GTF3C1: variants seen among roughly 807,000 people sequenced by gnomAD.
The protein encoded by GTF3C1 is general transcription factor 3C polypeptide 1.
Under a neutral mutation model 226.7 loss-of-function variants are expected in GTF3C1, and 57 were observed. The observed-to-expected ratio is 0.25, with a 90% CI of 0.20 to 0.31. GTF3C1 has a LOEUF of 0.31. Ranked by LOEUF, GTF3C1 falls within the 10% of genes least tolerant of loss-of-function variation. The probability of loss-of-function intolerance (pLI) is 1.00; values close to 1 mark genes in which losing one functional copy is unlikely to be tolerated. For missense variants in GTF3C1, 2,217 were observed against 2,776.1 expected (o/e 0.80, Z 4.53); for synonymous variants, 1,090 against 1,084.8 (o/e 1.00, Z -0.09).
Position 27,493,226 on chromosome 16 carries a change from G to A in GTF3C1, c.2849C>T (p.Pro950Leu). Residue 950 changes from proline (P) to leucine (L), a missense_variant, in exon 17 of 37, where the codon CCC becomes CTC. Around this residue, in one of 12 missense-constraint regions of GTF3C1, gnomAD observed 353 missense variants for 411.7 expected, o/e 0.86. Transcript: ENST00000356183. ...CTTGTACAGAAGCTGCTGCCGAATG[G>A]GCCTGGGGAGAAAGCGGATCAGCGT... ...KHTLIRFLPR[P>L]IRQQLLYKRR... 1.2e-6 allele frequency: 2 copies of A among 1,610,074 alleles called. No individual in the cohort carries two copies. Among genetic ancestry groups the A allele is most frequent in the Non-Finnish European group, 1.7e-6 (2 of 1,176,306 alleles).
intron 1 of GTF3C1, among the ~76,000 whole-genome samples, chr16:27,547,630 T>C (rs2089184378): frequency 6.6e-6 from 1 of 152,122 alleles, no homozygotes; most frequent in African/African-American, 2.4e-5. Flanking sequence ...AGTCTGACCC[T>C]CTCTTCAGTG....
chr16:27,530,004 G>A (rs1291631178), intron 5 of GTF3C1, among the ~76,000 whole-genome samples: 3 of 152,200 alleles, frequency 2.0e-5, no homozygotes, highest in African/African-American at 7.2e-5. Context: ...GGGCACTGCT[G>A]CCATGTGATT....
intron 7 of GTF3C1, 111 bp downstream of exon 7, chr16:27,511,638 C>A: frequency 1.7e-6 from 2 of 1,167,686 alleles, no homozygotes; most frequent in South Asian, 3.1e-5. Context: ...AAGGCACTTC[C>A]CATTGTATTA....
intron 1 of GTF3C1, among the ~76,000 whole-genome samples, chr16:27,547,831 G>C (rs1488129456): frequency 6.6e-6 from 1 of 152,092 alleles, no homozygotes; most frequent in Non-Finnish European, 1.5e-5. Flanking sequence ...CACCATGTTG[G>C]CTGGACTGGT....
intron 6 of GTF3C1, among the ~76,000 whole-genome samples, chr16:27,514,127 G>A (rs1433048273): frequency 6.6e-6 from 1 of 152,202 alleles, no homozygotes; most frequent in Non-Finnish European, 1.5e-5. Flanking sequence ...GTGGTCCCCA[G>A]GCACCAACCT....
At chr16:27,538,961 T>TAC (rs1441485699) in intron 2 of GTF3C1, among the ~76,000 whole-genome samples, 3 of 137,618 alleles carry the variant, frequency 2.2e-5, no homozygotes, top group East Asian at 2.1e-4. Flanking sequence ...TGACTATATA[T>TAC]ACACACATAT....
At chr16:27,497,119 G>C (rs2088331110) in intron 14 of GTF3C1, among the ~76,000 whole-genome samples, 1 of 152,222 alleles carries the variant, frequency 6.6e-6, no homozygotes, top group South Asian at 2.1e-4. Flanking sequence ...ACCAGCACAT[G>C]TGCTATGGCC....
At chr16:27,503,982 G>GA (rs2088447042) in intron 10 of GTF3C1, among the ~76,000 whole-genome samples, 2 of 152,312 alleles carry the variant, frequency 1.3e-5, no homozygotes, top group South Asian at 4.1e-4. Flanking sequence ...GCTGAAGGGG[G>GA]AAAGAATCAA....
intron 2 of GTF3C1, among the ~76,000 whole-genome samples, chr16:27,541,590 C>T (rs2089084012): frequency 6.6e-6 from 1 of 152,108 alleles, no homozygotes; most frequent in African/African-American, 2.4e-5. Flanking sequence ...AAGAGTACTA[C>T]GATGGTGTCT....
At chr16:27,509,777 A>G (rs950407286) in intron 7 of GTF3C1, among the ~76,000 whole-genome samples, 1 of 151,604 alleles carries the variant, frequency 6.6e-6, no homozygotes, top group Non-Finnish European at 1.5e-5. Context: ...AAAAAAAAAA[A>G]AAGAAGTATC....
rs147679514 is a variant in GTF3C1 at position 27,537,355 on chromosome 16, A to G, written c.752+429T>C. Among the ~76,000 whole-genome samples the G allele has an allele frequency of 6.8e-3, 1,030 of 152,348 alleles. 5 individuals are homozygous for G. The highest frequency in any genetic ancestry group is 9.4e-3 in the Non-Finnish European group (642 of 68,028). On this transcript the variant is annotated intron_variant, in intron 4 of 36. Coordinates refer to ENST00000356183, the MANE Select transcript of GTF3C1 (RefSeq NM_001520.4). ...AAGCAGGACTTATTTTCACAAAAAAACAGATAACAAATGCCATTTTTTAAA... is the reference window on the plus strand; with the variant it reads ...AAGCAGGACTTATTTTCACAAAAAAGCAGATAACAAATGCCATTTTTTAAA...
intron 25 of GTF3C1, 127 bp downstream of exon 25, chr16:27,484,084 C>G: frequency 1.4e-6 from 1 of 716,918 alleles, no homozygotes; most frequent in Non-Finnish European, 2.5e-6. Flanking sequence ...ATCTCCCCAG[C>G]AGACTCCAAC....
At chr16:27,529,674 G>C (rs1214020644) in intron 5 of GTF3C1, among the ~76,000 whole-genome samples, 1 of 152,194 alleles carries the variant, frequency 6.6e-6, no homozygotes, top group Non-Finnish European at 1.5e-5. Flanking sequence ...AAATTGAAAA[G>C]TGAGTGATTT....
At chr16:27,481,315 A>C (rs1330868933) in intron 26 of GTF3C1, 124 bp from the exon 27 acceptor site, 1 of 766,362 alleles carries the variant, frequency 1.3e-6, no homozygotes, top group Non-Finnish European at 2.2e-6. Flanking sequence ...ACCACTGACC[A>C]GGTGCCTCCC....
chr16:27,481,638 C>T (rs1409669106), intron 26 of GTF3C1, among the ~76,000 whole-genome samples: 1 of 152,198 alleles, frequency 6.6e-6, no homozygotes, highest in East Asian at 1.9e-4. Flanking sequence ...CCTCTATATG[C>T]GCACTGCATC....
In GTF3C1 at chr16:27,465,290, C is replaced by G. The variant is rs2087769032; in HGVS notation, c.5325G>C (p.Gly1775=). 6.2e-7 allele frequency: 1 copy of G among 1,614,036 alleles called. No homozygotes were observed. The highest frequency in any genetic ancestry group is 8.5e-7 in the Non-Finnish European group (1 of 1,180,024). ...TGCAATCTGCGAATGTCCTGGTGCG[C>G]CCACCACCTGCCTTCTCCAAGGCCG... ...RFSALEKAGG[G]RTRTFADCIQ... Residue 1775 remains glycine, a synonymous_variant, in exon 33 of 37, where the codon GGG becomes GGC. Coordinates refer to ENST00000356183, the MANE Select transcript of GTF3C1 (RefSeq NM_001520.4).
At chr16:27,484,449 C>T in intron 24 of GTF3C1, 96 bp from the exon 25 acceptor site, 2 of 797,840 alleles carry the variant, frequency 2.5e-6, no homozygotes, top group East Asian at 2.5e-5. Flanking sequence ...GTGTTTTGTG[C>T]AGCCTCCTTC....
intron 6 of GTF3C1, among the ~76,000 whole-genome samples, chr16:27,518,134 A>T (rs2088689299): frequency 6.6e-6 from 1 of 152,198 alleles, no homozygotes; most frequent in African/African-American, 2.4e-5. Flanking sequence ...CCTACTGGTA[A>T]GCCAGGCAGA....
intron 1 of GTF3C1, 148 bp downstream of exon 1, chr16:27,549,522 G>A: frequency 3.3e-6 from 2 of 610,868 alleles, no homozygotes; most frequent in Admixed American, 3.0e-5. Flanking sequence ...AGGGACCCCA[G>A]ATTAGCCTTA....
Sources: allele counts gnomAD v4.1 joint callset (sites outside exome capture counted in the v4.1 genomes callset), GRCh38; gene constraint gnomAD v4.1.1; regional missense constraint gnomAD v4.1.1; transcripts MANE v1.5; gene names NCBI Gene and HGNC (gene_info 2026-07-23, HGNC 2026-07-21).